The following GPD2 variants were observed in gnomAD, a reference collection of about 807,000 sequenced individuals.
The protein encoded by GPD2 is glycerol-3-phosphate dehydrogenase, mitochondrial.
Under a neutral mutation model 82.4 loss-of-function variants are expected in GPD2, and 54 were observed. The observed-to-expected ratio is 0.66, with a 90% CI of 0.53 to 0.82. GPD2 has a LOEUF of 0.82. Among genes scored for constraint, GPD2 ranks in the 40% least tolerant of loss-of-function variants. GPD2 has a pLI of 0.00. For missense variants in GPD2, 748 were observed against 896.2 expected (o/e 0.83, Z 2.11); for synonymous variants, 288 against 306.1 (o/e 0.94, Z 0.62).
At chr2:156,579,321 TTTTC>T (rs1203860753) in intron 15 of GPD2, among the ~76,000 whole-genome samples, 157 bp downstream of exon 15, 3 of 149,546 alleles carry the variant, frequency 2.0e-5, no homozygotes, top group African/African-American at 7.4e-5. Context: ...TTTTTTTCTT[TTTTC>T]TTTCTTTTTT....
intron 1 of GPD2, among the ~76,000 whole-genome samples, chr2:156,451,379 G>T (rs1270780166): frequency 6.8e-6 from 1 of 146,768 alleles, no homozygotes; most frequent in South Asian, 2.2e-4. Context: ...GGGCAGAGGC[G>T]CCCCTCACCT....
At chr2:156,481,725 C>T (rs976557618) in intron 2 of GPD2, among the ~76,000 whole-genome samples, 1 of 151,966 alleles carries the variant, frequency 6.6e-6, no homozygotes, top group Non-Finnish European at 1.5e-5. Flanking sequence ...CTCAAGTTCA[C>T]CCACCTCGGC....
intron 6 of GPD2, among the ~76,000 whole-genome samples, chr2:156,532,093 CTG>C (rs1475930563): frequency 6.6e-6 from 1 of 152,174 alleles, no homozygotes; most frequent in Non-Finnish European, 1.5e-5. Context: ...GTCTTGACCT[CTG>C]GAGTTTAAGC....
the GPD2 span, among the ~76,000 whole-genome samples, chr2:156,400,979 G>A: frequency 1.3e-5 from 2 of 152,188 alleles, no homozygotes; most frequent in Non-Finnish European, 2.9e-5. Context: ...AAAAATCAGC[G>A]AAGCTCAGGG....
chr2:156,550,760 A>C lies in GPD2; in HGVS notation c.971+14A>C, dbSNP rs771593404. ...TGGTTATTACAGGTAATTGTCTTCC[A>C]ATGTGGCAGTTGTCACCCAAAAAAG... On this transcript the variant is annotated intron_variant, in intron 8 of 16. Transcript: ENST00000438166. The C allele has an allele frequency of 1.6e-5, 25 of 1,610,752 alleles. No individual in the cohort carries two copies. The highest frequency in any genetic ancestry group is 2.1e-5 in the Non-Finnish European group (25 of 1,177,174).
At chr2:156,559,768 C>T (rs1305771272) in intron 9 of GPD2, among the ~76,000 whole-genome samples, 2 of 152,172 alleles carry the variant, frequency 1.3e-5, no homozygotes, top group Non-Finnish European at 2.9e-5. Context: ...TTTATACTCA[C>T]ACACATACAC....
intron 5 of GPD2, among the ~76,000 whole-genome samples, chr2:156,513,004 C>G (rs972557263): frequency 1.3e-5 from 2 of 152,122 alleles, no homozygotes; most frequent in African/African-American, 2.4e-5. Context: ...TGTCATCATC[C>G]AGGCCCCCAC....
At chr2:156,581,836 G>A (rs1688034882) in intron 16 of GPD2, among the ~76,000 whole-genome samples, 1 of 151,872 alleles carries the variant, frequency 6.6e-6, no homozygotes, top group Admixed American at 6.6e-5. Flanking sequence ...AGATGTCTCT[G>A]ACTCTTATTC....
chr2:156,483,355 A>G (rs755138853), intron 2 of GPD2, among the ~76,000 whole-genome samples: 3 of 152,188 alleles, frequency 2.0e-5, no homozygotes, highest in Non-Finnish European at 4.4e-5. Flanking sequence ...AACTTTACTT[A>G]CAGGCTTTTT....
intron 1 of GPD2, among the ~76,000 whole-genome samples, chr2:156,455,714 G>T (rs1431403667): frequency 6.6e-6 from 1 of 151,524 alleles, no homozygotes; most frequent in African/African-American, 2.4e-5. Context: ...TTTCCTTCAG[G>T]GGTAAGTAAT....
At chr2:156,465,147 G>A (rs1186644665) in intron 1 of GPD2, among the ~76,000 whole-genome samples, 3 of 152,048 alleles carry the variant, frequency 2.0e-5, no homozygotes, top group Admixed American at 6.5e-5. Flanking sequence ...CACCGTGCCC[G>A]GCCTGGACTT....
At chr2:156,452,235 T>C (rs974200427) in intron 1 of GPD2, among the ~76,000 whole-genome samples, 1 of 152,160 alleles carries the variant, frequency 6.6e-6, no homozygotes, top group Non-Finnish European at 1.5e-5. Flanking sequence ...CGAGCCGAGA[T>C]CACGCCACCT....
intron 9 of GPD2, 23 bp from the exon 10 acceptor site, chr2:156,568,802 C>A (rs144672105): frequency 6.7e-5 from 108 of 1,605,808 alleles, no homozygotes; most frequent in Non-Finnish European, 8.4e-5. Flanking sequence ...ATGTTCATAA[C>A]CCTTGGCATT....
chr2:156,538,448 C>T (rs1686164786), intron 6 of GPD2, among the ~76,000 whole-genome samples: 1 of 150,622 alleles, frequency 6.6e-6, no homozygotes, highest in African/African-American at 2.4e-5. Flanking sequence ...GTGAAACATT[C>T]ATGTAAAACA....
intron 3 of GPD2, among the ~76,000 whole-genome samples, chr2:156,510,497 C>G (rs1448757847): frequency 6.6e-6 from 1 of 152,174 alleles, no homozygotes; most frequent in Non-Finnish European, 1.5e-5. Flanking sequence ...GTGCTAGTCT[C>G]TCCTTTGACC....
Position 156,579,778 on chromosome 2 carries a change from A to AT in GPD2, c.2048_2049insT (p.Glu683AspfsTer41). 1 of 1,504,454 alleles carries AT rather than the reference A, an allele frequency of 6.6e-7. No individual in the cohort carries two copies. The highest frequency in any genetic ancestry group is 9.3e-7 in the Non-Finnish European group (1 of 1,079,844). 93.2% of individuals were successfully genotyped at this position (1,504,454 alleles called of 1,614,324 possible). ...AAAAATGGACAGGTTGAACTCAATG[A>AT]ATTTTTGCAGGTGAGTTGTGGTGAA... On this transcript the variant is annotated frameshift_variant, in exon 16 of 17. Transcript: ENST00000438166. LOFTEE classifies it high-confidence loss of function.
chr2:156,455,596 T>G (rs1682763180), intron 1 of GPD2, among the ~76,000 whole-genome samples: 1 of 152,236 alleles, frequency 6.6e-6, no homozygotes, highest in Non-Finnish European at 1.5e-5. Context: ...TGTGTTGTCT[T>G]ATACCATTAT....
At chr2:156,483,568 A>T (rs1683814840) in intron 2 of GPD2, among the ~76,000 whole-genome samples, 1 of 152,236 alleles carries the variant, frequency 6.6e-6, no homozygotes, top group Non-Finnish European at 1.5e-5. Flanking sequence ...TGGTTGGCAC[A>T]CTTTTGCTTA....
At chr2:156,524,023 AG>A (rs1685515290) in intron 6 of GPD2, among the ~76,000 whole-genome samples, 1 of 152,172 alleles carries the variant, frequency 6.6e-6, no homozygotes, top group Non-Finnish European at 1.5e-5. Flanking sequence ...GCACATGTAC[AG>A]GTTTGTTACA....
Sources: gnomAD v4.1 joint callset for allele counts (sites outside exome capture counted in the v4.1 genomes callset) on GRCh38, gnomAD v4.1.1 for gene constraint, MANE v1.5 for transcripts, NCBI Gene and HGNC (gene_info 2026-07-23, HGNC 2026-07-21) for gene names.